The following BFSP1 variants were observed in gnomAD, a reference collection of about 807,000 sequenced individuals.
BFSP1 encodes beaded filament structural protein 1.
BFSP1 carries 38 observed loss-of-function variants against 43.9 expected under a neutral mutation model. That is an observed-to-expected ratio of 0.87 (90% CI 0.67 to 1.14). The LOEUF is 1.14. BFSP1 is among the 50% of genes most tolerant of loss of function. BFSP1 has a pLI of 0.00. For missense variants in BFSP1, 850 were observed against 875.1 expected, an observed-to-expected ratio of 0.97 and a Z score of 0.36; for synonymous variants, 352 against 354.8, an observed-to-expected ratio of 0.99 and a Z score of 0.09.
intron 1 of BFSP1, among the ~76,000 whole-genome samples, chr20:17,548,180 C>CAAAAAAAAAAAAAAAAAAAAAAAAAA (rs11470598): frequency 8.3e-6 from 1 of 119,856 alleles, no homozygotes; most frequent in Non-Finnish European, 1.7e-5. Context: ...GAAAATAATG[C>CAAAAAAAAAAAAAAAAAAAAAAAAAA]AAAAAAAAAA....
intron 1 of BFSP1, among the ~76,000 whole-genome samples, chr20:17,547,930 T>A (rs1371253911): frequency 7.2e-6 from 1 of 139,268 alleles, no homozygotes; most frequent in Non-Finnish European, 1.5e-5. Context: ...GTATTTTTAG[T>A]AGAGACAGGG....
At chr20:17,544,259 G>A (rs191744516) in intron 1 of BFSP1, among the ~76,000 whole-genome samples, 6 of 152,212 alleles carry the variant, frequency 3.9e-5, no homozygotes, top group Non-Finnish European at 8.8e-5. Flanking sequence ...GGCAAGGGAC[G>A]CGAAGCTGGG....
At chr20:17,541,747 C>A (rs1474000928) in intron 1 of BFSP1, among the ~76,000 whole-genome samples, 1 of 152,186 alleles carries the variant, frequency 6.6e-6, no homozygotes, top group African/African-American at 2.4e-5. Flanking sequence ...AGCGTAGCAT[C>A]CAAGTTGGAT....
intron 1 of BFSP1, among the ~76,000 whole-genome samples, chr20:17,542,149 T>C (rs2034727926): frequency 1.3e-5 from 2 of 152,104 alleles, no homozygotes; most frequent in Admixed American, 1.3e-4. Flanking sequence ...GAGTTGCCTC[T>C]TAGTAGATCA....
In BFSP1 at chr20:17,531,144, C is replaced by A; in HGVS notation, c.186G>T (p.Glu62Asp). Residue 62 changes from glutamate (E) to aspartate (D), a missense_variant, in exon 1 of 8, where the codon GAG becomes GAT. Transcript: ENST00000377873. ...AAHVQRARAL[E>D]QRHAGLRRQL... Reference sequence around the variant, plus strand: ...GCCTCCGGAGCCCGGCATGGCGCTGCTCGAGGGCGCGGGCCCGCTGGACGT... The same window carrying A: ...GCCTCCGGAGCCCGGCATGGCGCTGATCGAGGGCGCGGGCCCGCTGGACGT... 1 of 1,316,834 alleles carries A rather than the reference C, an allele frequency of 7.6e-7. No homozygotes were observed. Among genetic ancestry groups the A allele is most frequent in the Non-Finnish European group, 9.7e-7 (1 of 1,036,194 alleles). 81.6% of individuals were successfully genotyped at this position (1,316,834 alleles called of 1,614,324 possible). A position where few individuals can be genotyped will look rare whatever the true frequency, so the allele number is the denominator to read the frequency against.
At chr20:17,503,299 G>A (rs11696768) in intron 5 of BFSP1, among the ~76,000 whole-genome samples, 1 of 152,206 alleles carries the variant, frequency 6.6e-6, no homozygotes, top group Non-Finnish European at 1.5e-5. Flanking sequence ...CAAAGTACTA[G>A]GATTACAGGC....
chr20:17,525,257 G>A lies in BFSP1; in HGVS notation c.378-349C>T, dbSNP rs2034396335. ...ATAACCCAAGTGCAGCAGTGGCAGA[G>A]ATGGGAGACTGCCCTGCACAATCTA... On this transcript the variant is annotated intron_variant, in intron 1 of 7. Coordinates refer to ENST00000377873, the MANE Select transcript of BFSP1 (RefSeq NM_001195.5). The surrounding 1 kb of genome is among the most constrained non-coding windows in gnomAD (Gnocchi z 4.2). Among the ~76,000 whole-genome samples, 1 of 150,274 alleles carries A rather than the reference G, an allele frequency of 6.7e-6. No homozygotes were observed. Among genetic ancestry groups the A allele is most frequent in the Admixed American group, 6.6e-5 (1 of 15,122 alleles).
intron 3 of BFSP1, among the ~76,000 whole-genome samples, chr20:17,513,845 G>A (rs917257430): frequency 6.6e-6 from 1 of 152,244 alleles, no homozygotes; most frequent in African/African-American, 2.4e-5. Flanking sequence ...GGCACCTGGA[G>A]CTCAATCCTG....
chr20:17,517,392 T>C, intron 2 of BFSP1: 1 of 791,756 alleles, frequency 1.3e-6, no homozygotes, highest in Non-Finnish European at 2.2e-6. Context: ...TTGCGTTTCC[T>C]CCTGCCTCAG....
At chr20:17,534,856 T>A (rs1248171806), upstream of BFSP1, among the ~76,000 whole-genome samples, 4 of 151,888 alleles carry the variant, frequency 2.6e-5, no homozygotes, top group African/African-American at 9.7e-5. Flanking sequence ...CCATCTCTAC[T>A]AATAATACAA....
chr20:17,538,493 T>C lies in BFSP1; in HGVS notation c.3-13585A>G, dbSNP rs555424956. 8.5e-5 allele frequency among the ~76,000 whole-genome samples: 13 copies of C among 152,268 alleles called. No individual in the cohort carries two copies. In the South Asian group the frequency reaches 2.3e-3, roughly 27 times the overall value. On this transcript the variant is annotated intron_variant, in intron 1 of 7. Coordinates refer to the BFSP1 transcript ENST00000377868. ...GCTGAGAACAGGTGTTTCTTAATGA[T>C]AGCAAGAAAACGCAAAAATCTTCCT... is the stretch of plus-strand genomic sequence containing the variant.
At chr20:17,527,464 A>G (rs1342687846) in intron 1 of BFSP1, among the ~76,000 whole-genome samples, 1 of 152,202 alleles carries the variant, frequency 6.6e-6, no homozygotes, top group Non-Finnish European at 1.5e-5. Context: ...GCGGTGGCTC[A>G]CGCCTGTAAT....
intron 4 of BFSP1, among the ~76,000 whole-genome samples, chr20:17,511,491 G>T (rs916942258): frequency 2.0e-5 from 3 of 152,298 alleles, no homozygotes; most frequent in Middle Eastern, 3.4e-3. Context: ...AAGCTATCCG[G>T]ATGGCAGATG....
chr20:17,512,558 A>C (rs192102079), intron 3 of BFSP1, among the ~76,000 whole-genome samples: 46 of 152,254 alleles, frequency 3.0e-4, no homozygotes, highest in African/African-American at 9.9e-4. Context: ...TTCTACAAAA[A>C]ATGTTAAAAT....
At chr20:17,506,671 C>T (rs1002142292) in intron 5 of BFSP1, among the ~76,000 whole-genome samples, 9 of 151,812 alleles carry the variant, frequency 5.9e-5, no homozygotes, top group South Asian at 2.1e-4. Context: ...ACCACAGGCA[C>T]GCACCACCAC....
Position 17,495,112 on chromosome 20 carries a change from T to C in BFSP1, c.1043-83A>G. On this transcript the variant is annotated intron_variant, in intron 7 of 7. Transcript: ENST00000377873. ...TACGCTGGTTGGAAAATAGGCTAAC[T>C]CTCTCGGAAACAAACGCCTATAGTA... 8.9e-6 allele frequency: 12 copies of C among 1,344,656 alleles called. No homozygotes were observed. In the South Asian group the frequency reaches 1.3e-4, roughly 14 times the overall value. The allele number at this position is 1,344,656 out of a possible 1,614,324, so 83.3% of individuals were successfully genotyped here.
At chr20:17,533,517 A>G (rs2034581973), upstream of BFSP1, among the ~76,000 whole-genome samples, 1 of 152,208 alleles carries the variant, frequency 6.6e-6, no homozygotes, top group Non-Finnish European at 1.5e-5. Flanking sequence ...ATGTCCCTCA[A>G]GCTTCTAAAC....
chr20:17,534,025 G>A (rs2034590814), upstream of BFSP1, among the ~76,000 whole-genome samples: 1 of 152,184 alleles, frequency 6.6e-6, no homozygotes, highest in South Asian at 2.1e-4. Context: ...CAGGTGCACT[G>A]GGAAATGCAA....
At position 17,525,224 on chromosome 20, in the gene BFSP1, G is replaced by T. The variant is rs191430067; in HGVS notation, c.378-316C>A. On this transcript the variant is annotated intron_variant, in intron 1 of 7. Coordinates refer to ENST00000377873, the MANE Select transcript of BFSP1 (RefSeq NM_001195.5). This position sits in a 1 kb window ranked among gnomAD's most constrained non-coding sequence, Gnocchi z 4.2. ...CCAAGGATGAGGGAATTATATCCTA[G>T]CCTATCTATAACCCAAGTGCAGCAG... Among the ~76,000 whole-genome samples the T allele has an allele frequency of 1.4e-3, 217 of 152,210 alleles. 1 individual carries two copies. The highest frequency in any genetic ancestry group is 5.1e-3 in the African/African-American group (210 of 41,534).
Sources: gnomAD v4.1 joint callset for allele counts (sites outside exome capture counted in the v4.1 genomes callset) on GRCh38, gnomAD v4.1.1 for gene constraint, Gnocchi (gnomAD v3.1) non-coding constraint, MANE v1.5 for transcripts, NCBI Gene and HGNC (gene_info 2026-07-23, HGNC 2026-07-21) for gene names.